ASMT: variants seen among roughly 807,000 people sequenced by gnomAD.
ASMT encodes acetylserotonin O-methyltransferase, also known as acetylserotonin N-methyltransferase.
ASMT carries 53 observed loss-of-function variants against 41.3 expected under a neutral mutation model. The ratio of observed to expected loss-of-function variants is 1.28; its 90% CI spans 1.03 to 1.61. The LOEUF is 1.61. ASMT is among the 40% of genes most tolerant of loss of function. The pLI is 0.00. For synonymous variants in ASMT, 231 were observed against 184.8 expected (o/e 1.25, Z -2.03); for missense variants, 531 against 441.3 (o/e 1.20, Z -1.82).
At position 1,627,760 on chromosome X, in the gene ASMT, G is replaced by A. The variant is rs1178195909; in HGVS notation, c.432G>A (p.Thr144=). 46 of 1,613,662 alleles carry A rather than the reference G, an allele frequency of 2.9e-5. No homozygotes were observed. Among genetic ancestry groups the A allele is most frequent in the African/African-American group, 4.0e-5 (3 of 74,892 alleles). The change falls in exon 4 of 9, where the codon ACG becomes ACA. Residue 144 remains threonine, a synonymous_variant. Transcript: ENST00000381241. ...GCGTTCCCGCTGAAGAGCTTTTTACGGCCATCTACAGGTAACACCCATCAC... is the reference window on the plus strand; with the variant it reads ...GCGTTCCCGCTGAAGAGCTTTTTACAGCCATCTACAGGTAACACCCATCAC... The part of the protein sequence containing the change: ...TFGVPAEELF[T]AIYRSEGERL...
chrX:1,642,177 CCT>C (rs1935208331), intron 8 of ASMT, among the ~76,000 whole-genome samples: 1 of 146,342 alleles, frequency 6.8e-6, no homozygotes, highest in African/African-American at 2.5e-5. Context: ...ATGGGCACAG[CCT>C]CTCTGTGTGT....
chrX:1,615,147 C>G lies in ASMT; in HGVS notation c.-53C>G. The G allele has an allele frequency of 6.5e-7, 1 of 1,534,028 alleles. No homozygotes were observed. The highest frequency in any genetic ancestry group is 8.9e-7 in the Non-Finnish European group (1 of 1,129,176). The stretch of plus-strand genomic sequence containing the variant: ...CACCTTGCCAGCAGGCTCTGTGCTC[C>G]TTGAAGCAAGCGCTCCAGAGGCTCC... On this transcript the variant is annotated 5_prime_UTR_variant, in exon 1 of 9. Transcript: ENST00000381241.
At chrX:1,630,331 A>G (rs1186930937) in intron 5 of ASMT, among the ~76,000 whole-genome samples, 1 of 102,988 alleles carries the variant, frequency 9.7e-6, no homozygotes, top group Non-Finnish European at 1.9e-5. Flanking sequence ...TTTGAGATGA[A>G]GTGTCGCTCT....
At chrX:1,618,081 C>A (rs186537460) in intron 1 of ASMT, among the ~76,000 whole-genome samples, 3 of 152,274 alleles carry the variant, frequency 2.0e-5, no homozygotes, top group East Asian at 1.9e-4. Flanking sequence ...GGGGTTCAAG[C>A]GATTCTCCTG....
intron 1 of ASMT, among the ~76,000 whole-genome samples, chrX:1,621,353 T>C (rs1259988940): frequency 6.6e-6 from 1 of 151,944 alleles, no homozygotes; most frequent in Non-Finnish European, 1.5e-5. Context: ...AGTCTCGCTC[T>C]GTTGCCCAGG....
In ASMT at chrX:1,625,862, G is replaced by A. The variant is rs187672120; in HGVS notation, c.374+1464G>A. ...CCAGCTACTCGGAGAGGCTGAGGCA[G>A]GAAAATGGTGTGAACCCGGGAGGCG... On this transcript the variant is annotated intron_variant, in intron 3 of 8. Transcript: ENST00000381241. 5.2e-3 allele frequency among the ~76,000 whole-genome samples: 781 copies of A among 148,986 alleles called. 8 individuals are homozygous for A. The highest frequency in any genetic ancestry group is 0.018 in the African/African-American group (750 of 40,798).
At chrX:1,628,563 C>T (rs1281607565) in intron 4 of ASMT, among the ~76,000 whole-genome samples, 5 of 151,720 alleles carry the variant, frequency 3.3e-5, no homozygotes, top group African/African-American at 7.3e-5. Flanking sequence ...CTGAGTGGTT[C>T]GCCTGCCCCC....
intron 4 of ASMT, among the ~76,000 whole-genome samples, chrX:1,628,417 C>T (rs769393321): frequency 3.8e-4 from 58 of 152,266 alleles, no homozygotes; most frequent in African/African-American, 1.2e-3. Flanking sequence ...CTTTGCTTTG[C>T]GATGTGGACA....
chrX:1,634,099 T>C (rs1211995695), intron 7 of ASMT, among the ~76,000 whole-genome samples: 6 of 151,074 alleles, frequency 4.0e-5, no homozygotes, highest in African/African-American at 1.5e-4. Context: ...CAGTGAAGGG[T>C]GTGGCCAGGG....
chrX:1,631,846 G>T (rs749124233), intron 5 of ASMT, among the ~76,000 whole-genome samples: 1 of 152,078 alleles, frequency 6.6e-6, no homozygotes, highest in African/African-American at 2.4e-5. Flanking sequence ...TCAGGAGTTT[G>T]AGACCAGCCT....
At chrX:1,630,732 CT>C (rs1158484139) in intron 5 of ASMT, among the ~76,000 whole-genome samples, 1 of 151,800 alleles carries the variant, frequency 6.6e-6, no homozygotes, top group Non-Finnish European at 1.5e-5. Flanking sequence ...CATTTAAAAA[CT>C]TTTCTGTAGA....
At chrX:1,619,549 TATAATAATAATAATAATA>T (rs745727836) in intron 1 of ASMT, among the ~76,000 whole-genome samples, 1,375 of 129,832 alleles carry the variant, frequency 0.011, 23 homozygotes, top group African/African-American at 0.04. Flanking sequence ...GAACTTAAAG[TATAATAATAATAATAATA>T]ATAATAATAA....
At chrX:1,621,153 G>A (rs1313316612) in intron 1 of ASMT, among the ~76,000 whole-genome samples, 3 of 152,074 alleles carry the variant, frequency 2.0e-5, no homozygotes, top group African/African-American at 7.2e-5. Flanking sequence ...CTTTCCCCAT[G>A]CTGTTGAAAT....
At chrX:1,618,877 G>T (rs1344423570) in intron 1 of ASMT, among the ~76,000 whole-genome samples, 1 of 151,622 alleles carries the variant, frequency 6.6e-6, no homozygotes, top group African/African-American at 2.4e-5. Flanking sequence ...GGTTCACAGC[G>T]GTGTTCAGGG....
intron 7 of ASMT, chrX:1,636,160 T>A (rs1387637820): frequency 1.3e-5 from 6 of 451,656 alleles, no homozygotes; most frequent in Non-Finnish European, 2.5e-5. Context: ...GGTTTCACCG[T>A]GTTAGCCAGG....
intron 1 of ASMT, among the ~76,000 whole-genome samples, chrX:1,618,288 T>C (rs1934211498): frequency 6.6e-6 from 1 of 152,104 alleles, no homozygotes; most frequent in Admixed American, 6.6e-5. Flanking sequence ...CTTAGCCTCC[T>C]GAGTAGCTGG....
intron 3 of ASMT, 103 bp from the exon 4 acceptor site, chrX:1,627,600 T>C: frequency 1.6e-6 from 2 of 1,236,470 alleles, no homozygotes; most frequent in Admixed American, 3.4e-5. Context: ...CAGCCTGGGC[T>C]ACAGAGCTGA....
intron 3 of ASMT, among the ~76,000 whole-genome samples, chrX:1,626,637 T>C (rs867086124): frequency 6.6e-6 from 1 of 152,162 alleles, no homozygotes; most frequent in Non-Finnish European, 1.5e-5. Context: ...CGAGACTTTA[T>C]AGTTATAGAG....
intron 3 of ASMT, among the ~76,000 whole-genome samples, chrX:1,625,738 AG>A (rs1934517217): frequency 6.6e-6 from 1 of 151,582 alleles, no homozygotes; most frequent in African/African-American, 2.4e-5. Flanking sequence ...GCGGATCACG[AG>A]GTCAGGAGAT....
Sources: allele counts gnomAD v4.1 joint callset (sites outside exome capture counted in the v4.1 genomes callset), GRCh38; gene constraint gnomAD v4.1.1; transcripts MANE v1.5; gene names NCBI Gene and HGNC (gene_info 2026-07-23, HGNC 2026-07-21).